CLNK: variants seen among roughly 807,000 people sequenced by gnomAD.
CLNK encodes the protein cytokine dependent hematopoietic cell linker, also known as cytokine-dependent hematopoietic cell linker.
Under a neutral mutation model 68.6 loss-of-function variants are expected in CLNK, and 74 were observed. That is an observed-to-expected ratio of 1.08 (90% confidence interval 0.89 to 1.31). The LOEUF is 1.31. Among genes scored for constraint, CLNK ranks in the 50% most tolerant of loss-of-function variants. The pLI, the probability that CLNK is intolerant of heterozygous loss-of-function variation, is 0.00. For missense variants in CLNK, 553 were observed against 515.3 expected, an observed-to-expected ratio of 1.07 and a Z score of -0.71; for synonymous variants, 198 against 172.2, an observed-to-expected ratio of 1.15 and a Z score of -1.17.
chr4:10,588,763 C>G (rs565843123), intron 3 of CLNK, among the ~76,000 whole-genome samples: 1 of 152,080 alleles, frequency 6.6e-6, no homozygotes, highest in South Asian at 2.1e-4. Context: ...TTTTATGATA[C>G]ATCTAAAATA....
At chr4:10,714,190 G>A in the CLNK span, among the ~76,000 whole-genome samples, 1 of 152,162 alleles carries the variant, frequency 6.6e-6, no homozygotes, top group Non-Finnish European at 1.5e-5. Context: ...GAGGGGCTGA[G>A]ACTCAAAATC....
rs549419219 is a variant in CLNK at position 10,567,217 on chromosome 4, T to C, written c.151-1067A>G. The stretch of plus-strand genomic sequence containing the variant: ...CATAGATGCAGTAATCAAGACAATG[T>C]GGTATTGGTAGTAAGATAGATGTGC... On this transcript the variant is annotated intron_variant, in intron 5 of 18. Coordinates refer to ENST00000226951, the MANE Select transcript of CLNK (RefSeq NM_052964.4). Among the ~76,000 whole-genome samples, 6 of 151,286 alleles carry C rather than the reference T, an allele frequency of 4.0e-5. No homozygotes were observed. The South Asian group carries it at 1.3e-3, about 32-fold the overall frequency.
chr4:10,532,791 A>T (rs1577111256), intron 11 of CLNK, among the ~76,000 whole-genome samples: 2 of 152,198 alleles, frequency 1.3e-5, no homozygotes, highest in East Asian at 3.8e-4. Context: ...GTAGAGAAAA[A>T]ATCCAACATG....
chr4:10,652,400 A>T (rs1254992286), intron 2 of CLNK, among the ~76,000 whole-genome samples: 1 of 150,898 alleles, frequency 6.6e-6, no homozygotes, highest in East Asian at 1.9e-4. Flanking sequence ...AAAAAAAAAA[A>T]AAAGGAAAAA....
chr4:10,679,049 C>T (rs138295602), intron 1 of CLNK, among the ~76,000 whole-genome samples: 195 of 152,250 alleles, frequency 1.3e-3, no homozygotes, highest in South Asian at 2.9e-3. Flanking sequence ...CAAGAGCGTG[C>T]ATTGCCAACT....
At chr4:10,614,161 C>T (rs1200077775) in intron 2 of CLNK, among the ~76,000 whole-genome samples, 1 of 152,212 alleles carries the variant, frequency 6.6e-6, no homozygotes, top group Non-Finnish European at 1.5e-5. Context: ...ATTAAATTCT[C>T]CTCCCCTGGC....
the CLNK span, among the ~76,000 whole-genome samples, chr4:10,708,488 C>T: frequency 6.6e-6 from 1 of 152,162 alleles, no homozygotes; most frequent in East Asian, 1.9e-4. Context: ...CGAGATGCAC[C>T]TCTTAACCAG....
intron 3 of CLNK, among the ~76,000 whole-genome samples, chr4:10,592,016 C>A (rs931209033): frequency 6.6e-6 from 1 of 152,244 alleles, no homozygotes; most frequent in Non-Finnish European, 1.5e-5. Context: ...ACCCTCTTGG[C>A]CGAGTGAGGC....
intron 1 of CLNK, among the ~76,000 whole-genome samples, chr4:10,673,024 AC>A (rs1724712671): frequency 6.6e-6 from 1 of 152,200 alleles, no homozygotes; most frequent in South Asian, 2.1e-4. Context: ...TTTTTAAAAA[AC>A]CTATCACATC....
chr4:10,663,101 G>A (rs970392834), intron 2 of CLNK, among the ~76,000 whole-genome samples: 1 of 152,174 alleles, frequency 6.6e-6, no homozygotes, highest in South Asian at 2.1e-4. Flanking sequence ...ACAGCGTCAA[G>A]GTTCTTATCA....
chr4:10,607,716 A>G (rs956202725), intron 2 of CLNK, among the ~76,000 whole-genome samples: 1 of 152,134 alleles, frequency 6.6e-6, no homozygotes, highest in Non-Finnish European at 1.5e-5. Flanking sequence ...AGTGCCTCCC[A>G]TTTATGGTGT....
In CLNK at chr4:10,582,498, C is replaced by A. The variant is rs73810318; in HGVS notation, c.112+2429G>T. 6.3e-3 allele frequency among the ~76,000 whole-genome samples: 963 copies of A among 152,180 alleles called. 12 individuals are homozygous for A. Among genetic ancestry groups the A allele is most frequent in the African/African-American group, 0.022 (908 of 41,530 alleles). On this transcript the variant is annotated intron_variant, in intron 4 of 18. Transcript: ENST00000226951. ...TACGTGGAGGCTTAAGACAGAAGGACCCACTTTCTAAATAGGGCCATCTTT... is the reference window on the plus strand; with the variant it reads ...TACGTGGAGGCTTAAGACAGAAGGAACCACTTTCTAAATAGGGCCATCTTT...
chr4:10,487,047 A>T lies in CLNK; in HGVS notation c.*3420T>A, dbSNP rs1279582140. 2 of 152,266 alleles carry T rather than the reference A, an allele frequency of 1.3e-5. No homozygotes were observed. The highest frequency in any genetic ancestry group is 2.4e-5 in the African/African-American group (1 of 41,470). 9.4% of individuals were successfully genotyped at this position (152,266 alleles called of 1,614,324 possible). On this transcript the variant is annotated 3_prime_UTR_variant, in exon 19 of 19. Coordinates refer to ENST00000226951, the MANE Select transcript of CLNK (RefSeq NM_052964.4). ...CATTTATACAGAATGAGAATTATTT[A>T]GTCCAAAAAATATCTGGAAAGCATA... is the stretch of plus-strand genomic sequence containing the variant.
the CLNK span, among the ~76,000 whole-genome samples, chr4:10,708,714 G>A: frequency 2.6e-5 from 4 of 152,174 alleles, no homozygotes; most frequent in Admixed American, 1.3e-4. Flanking sequence ...AACCACTCTG[G>A]TGGTAGGGTA....
the CLNK span, among the ~76,000 whole-genome samples, chr4:10,727,844 T>C: frequency 6.6e-6 from 1 of 152,240 alleles, no homozygotes; most frequent in African/African-American, 2.4e-5. Context: ...AATCATCTGA[T>C]AACTTATAAG....
the CLNK span, among the ~76,000 whole-genome samples, chr4:10,708,901 A>G: frequency 1.1e-4 from 17 of 152,342 alleles, no homozygotes; most frequent in African/African-American, 4.1e-4. Flanking sequence ...CCAAAATGCC[A>G]GAGACTACTT....
chr4:10,677,475 A>T (rs1468455893), intron 1 of CLNK, among the ~76,000 whole-genome samples: 2 of 152,122 alleles, frequency 1.3e-5, no homozygotes, highest in Non-Finnish European at 2.9e-5. Flanking sequence ...AGTAGTAGTA[A>T]TATGGTTTAG....
chr4:10,595,211 C>A (rs1370651571), intron 3 of CLNK, among the ~76,000 whole-genome samples: 1 of 152,180 alleles, frequency 6.6e-6, no homozygotes, highest in South Asian at 2.1e-4. Flanking sequence ...AAAGATATAA[C>A]CTCCCTCAGA....
intron 2 of CLNK, among the ~76,000 whole-genome samples, chr4:10,639,794 G>A (rs1723237466): frequency 6.6e-6 from 1 of 152,210 alleles, no homozygotes; most frequent in Non-Finnish European, 1.5e-5. Context: ...CATCATCACA[G>A]AAAGGTCTGT....
Sources: gnomAD v4.1 joint callset for allele counts (sites outside exome capture counted in the v4.1 genomes callset) on GRCh38, gnomAD v4.1.1 for gene constraint, MANE v1.5 for transcripts, NCBI Gene and HGNC (gene_info 2026-07-23, HGNC 2026-07-21) for gene names.